ALDH16A1: variants seen among roughly 807,000 people sequenced by gnomAD.
ALDH16A1 encodes the protein aldehyde dehydrogenase family 16 member A1.
Under a neutral mutation model 96.1 loss-of-function variants are expected in ALDH16A1, and 88 were observed. The ratio of observed to expected loss-of-function variants is 0.92; its 90% CI spans 0.77 to 1.09. The LOEUF is 1.09. ALDH16A1 is among the 50% of genes least tolerant of loss of function. The pLI is 0.00. For synonymous variants in ALDH16A1, 522 were observed against 496.4 expected, an observed-to-expected ratio of 1.05 and a Z score of -0.69; for missense variants, 1,250 against 1,112.6, an observed-to-expected ratio of 1.12 and a Z score of -1.76.
chr19:49,467,066 G>A (rs2079205130), intron 14 of ALDH16A1, among the ~76,000 whole-genome samples: 1 of 152,174 alleles, frequency 6.6e-6, no homozygotes, highest in African/African-American at 2.4e-5. Flanking sequence ...GCACCCGGCT[G>A]GAGTGCAGTG....
intron 1 of ALDH16A1, among the ~76,000 whole-genome samples, chr19:49,456,700 C>CT (rs2079106445): frequency 6.6e-6 from 1 of 152,208 alleles, no homozygotes; most frequent in Admixed American, 6.5e-5. Context: ...AACAATCATT[C>CT]TTTAATGTCA....
Position 49,465,269 on chromosome 19 carries a change from C to T in ALDH16A1, c.1569-469C>T, listed in dbSNP as rs563808422. 4.8e-5 allele frequency among the ~76,000 whole-genome samples: 7 copies of T among 146,930 alleles called. No homozygotes were observed. In the East Asian group the frequency reaches 6.2e-4, roughly 13 times the overall value. ...ATGGGAGCAGAAGCTTTGGGTCCTC[C>T]GGGGCTCATGGGAACAGGAATTTGG... On this transcript the variant is annotated intron_variant, in intron 12 of 16. Transcript: ENST00000293350.
chr19:49,454,025 T>TTTTGTG lies in ALDH16A1; in HGVS notation c.90+607_90+608insGTGTTT, dbSNP rs1410425750. ...GGACTTCCGGTTTGGGTTGGGTTTT[T>TTTTGTG]TTTTTGTTTTTTTTTTTGAGCCAGG... On this transcript the variant is annotated intron_variant, in intron 1 of 16. Coordinates refer to ENST00000293350, the MANE Select transcript of ALDH16A1 (RefSeq NM_153329.4). 2.0e-3 allele frequency among the ~76,000 whole-genome samples: 106 copies of TTTTGTG among 54,284 alleles called. 3 individuals carry two copies. The highest frequency in any genetic ancestry group is 0.012 in the Middle Eastern group (1 of 84). 35.6% of individuals were successfully genotyped at this position (54,284 alleles called of 152,430 possible).
In ALDH16A1 at chr19:49,462,562, C is replaced by T; in HGVS notation, c.913-8C>T. 6.2e-7 allele frequency: 1 copy of T among 1,611,570 alleles called. No individual in the cohort carries two copies. Among genetic ancestry groups the T allele is most frequent in the Non-Finnish European group, 8.5e-7 (1 of 1,179,390 alleles). On this transcript the variant is annotated splice_polypyrimidine_tract_variant and splice_region_variant and intron_variant, in intron 7 of 16. Coordinates refer to ENST00000293350, the MANE Select transcript of ALDH16A1 (RefSeq NM_153329.4). ...GGTGTGATCTCCTGATGCCCCTTTT[C>T]CTCACAGGGTGGCCTCAGGCTCCTC...
rs1045288160 is a variant in ALDH16A1 at position 49,464,131 on chromosome 19, C to T, written c.1199C>T (p.Pro400Leu). ...PASPCAQVEV[P>L]WPVVVASPFR... ...CCTCCCGGTCACCCCTTGCAGGTGC[C>T]GTGGCCTGTGGTCGTGGCCTCCCCC... Residue 400 changes from proline to leucine, a missense_variant, in exon 10 of 17, where the codon CCG becomes CTG. Coordinates refer to ENST00000293350, the MANE Select transcript of ALDH16A1 (RefSeq NM_153329.4). 7.5e-6 allele frequency: 12 copies of T among 1,607,724 alleles called. No homozygotes were observed. Among genetic ancestry groups the T allele is most frequent in the Middle Eastern group, 1.7e-4 (1 of 5,942 alleles).
rs2079160822 is a variant in ALDH16A1 at position 49,462,682 on chromosome 19, T to C, written c.1025T>C (p.Met342Thr). The C allele has an allele frequency of 6.2e-7, 1 of 1,609,240 alleles. No homozygotes were observed. The highest frequency in any genetic ancestry group is 2.2e-5 in the East Asian group (1 of 44,780). ...SGRGLDGAVDMGARGAAACDL... is the reference protein window; with the variant it reads ...SGRGLDGAVDTGARGAAACDL... Reference sequence around the variant, plus strand: ...CGAGGGCTGGATGGGGCCGTGGACATGGGGGCCCGGGGGGCTGCCGCATGT... The same window carrying C: ...CGAGGGCTGGATGGGGCCGTGGACACGGGGGCCCGGGGGGCTGCCGCATGT... The change falls in exon 8 of 17, where the codon ATG becomes ACG. Residue 342 changes from methionine (M) to threonine (T), a missense_variant. Met to Thr is a moderately conservative substitution (Grantham distance 81, BLOSUM62 -1). Coordinates refer to ENST00000293350, the MANE Select transcript of ALDH16A1 (RefSeq NM_153329.4).
rs145782809 is a variant in ALDH16A1, at chr19:49,464,672, G to T, written c.1478G>T (p.Arg493Leu). ...EYLRPSGTPA[R>L]LSCLSKNLNY... ...CTGCGGCCCTCAGGGACCCCTGCCC[G>T]GCTGTCCTGCCTCTCCAAGAACCTG... The change falls in exon 12 of 17, where the codon CGG (arginine) becomes CTG (leucine). Residue 493 changes from arginine (R) to leucine (L), a missense_variant. Physicochemically the swap from Arg to Leu is moderately radical, Grantham distance 102 (BLOSUM62 -2). Coordinates refer to ENST00000293350, the MANE Select transcript of ALDH16A1 (RefSeq NM_153329.4). 1.6e-5 allele frequency: 26 copies of T among 1,614,018 alleles called. No homozygotes were observed. The African/African-American group carries it at 2.0e-4, about 12-fold the overall frequency.
At chr19:49,469,211 G>A (rs1289520529) in intron 16 of ALDH16A1, 1 of 504,358 alleles carries the variant, frequency 2.0e-6, no homozygotes. Context: ...CTCGTCTCAG[G>A]GGACAGCCCG....
chr19:49,457,602 A>C (rs2079112756), intron 1 of ALDH16A1, among the ~76,000 whole-genome samples: 1 of 149,806 alleles, frequency 6.7e-6, no homozygotes, highest in African/African-American at 2.5e-5. Context: ...GGTGAGTGAG[A>C]TGTGGTAAAA....
At chr19:49,467,095 G>A (rs1320533972) in intron 14 of ALDH16A1, among the ~76,000 whole-genome samples, 2 of 152,184 alleles carry the variant, frequency 1.3e-5, no homozygotes, top group Non-Finnish European at 1.5e-5. Flanking sequence ...ATGGCTCACT[G>A]CAGCCTCAAC....
Position 49,464,192 on chromosome 19 carries a change from C to T in ALDH16A1, c.1260C>T (p.Asn420=), listed in dbSNP as rs138475609. The change falls in exon 10 of 17, where the codon AAC becomes AAT. Residue 420 remains asparagine, a synonymous_variant. Transcript: ENST00000293350. Reference sequence around the variant, plus strand: ...CCAAGGAGGCACTGTTGGTGGCCAACGGGACGCCCCGCGGGGGCAGCGCCA... The same window carrying T: ...CCAAGGAGGCACTGTTGGTGGCCAATGGGACGCCCCGCGGGGGCAGCGCCA... The part of the protein sequence containing the change: ...RTAKEALLVA[N]GTPRGGSASV... 335 of 1,606,868 alleles carry T rather than the reference C, an allele frequency of 2.1e-4. 1 individual carries two copies. Among genetic ancestry groups the T allele is most frequent in the South Asian group, 2.4e-4 (22 of 90,882 alleles).
rs1172333251 is a variant in ALDH16A1 at position 49,464,229 on chromosome 19, G to A, written c.1297G>A (p.Glu433Lys). 13 of 1,604,598 alleles carry A rather than the reference G, an allele frequency of 8.1e-6. No homozygotes were observed. The highest frequency in any genetic ancestry group is 1.3e-5 in the African/African-American group (1 of 74,990). Residue 433 changes from glutamate (E) to lysine (K), a missense_variant, in exon 10 of 17, where the codon GAG becomes AAG. By Grantham distance (56) the Glu-to-Lys change is moderately conservative (BLOSUM62 1). Transcript: ENST00000293350. ...CGGGGGCAGCGCCAGTGTGTGGAGC[G>A]AGAGGCTGGGGCAGGCGCTGGAGCT... ...PRGGSASVWS[E>K]RLGQALELGY...
chr19:49,464,027 G>A, intron 9 of ALDH16A1, 78 bp downstream of exon 9: 1 of 1,577,502 alleles, frequency 6.3e-7, no homozygotes, highest in Non-Finnish European at 8.6e-7. Flanking sequence ...AAGCCCTTGG[G>A]GTAACCATGT....
rs1162205920 is a variant in ALDH16A1, at chr19:49,468,138, C to T, written c.1939-243C>T. 4.2e-5 allele frequency among the ~76,000 whole-genome samples: 6 copies of T among 141,924 alleles called. No individual in the cohort carries two copies. Among genetic ancestry groups the T allele is most frequent in the Admixed American group, 3.6e-4 (5 of 13,898 alleles). The allele number at this position is 141,924 out of a possible 152,430, so 93.1% of individuals were successfully genotyped here. A position where few individuals can be genotyped will look rare whatever the true frequency, so the allele number is the denominator to read the frequency against. On this transcript the variant is annotated intron_variant, in intron 14 of 16. Transcript: ENST00000293350. This position sits in a 1 kb window ranked among gnomAD's most constrained non-coding sequence, Gnocchi z 4.4. The stretch of plus-strand genomic sequence containing the variant: ...TCGCACCACTGCACTCTAGCCAGGG[C>T]GACAGAGTGAGAGTCCGTCTCAAAA...
chr19:49,463,030 C>G (rs1196812464), intron 8 of ALDH16A1, among the ~76,000 whole-genome samples: 1 of 98,636 alleles, frequency 1.0e-5, no homozygotes, highest in African/African-American at 6.0e-5. Context: ...GGCCTGGACT[C>G]CTGGGTCTGA....
rs1601021507 is a variant in ALDH16A1, at chr19:49,459,499, G to A, written c.321-171G>A. ...CCTTTACACAGCATCCTCAGGGTTT[G>A]TGTTTCCATGACTATAATTCTCATA... On this transcript the variant is annotated intron_variant, in intron 3 of 16. Coordinates refer to ENST00000293350, the MANE Select transcript of ALDH16A1 (RefSeq NM_153329.4). The surrounding 1 kb of genome is among the most constrained non-coding windows in gnomAD (Gnocchi z 4.1). 1.3e-5 allele frequency among the ~76,000 whole-genome samples: 2 copies of A among 152,338 alleles called. No homozygotes were observed.
chr19:49,465,634 C>T (rs2079191081), intron 12 of ALDH16A1, 104 bp from the exon 13 acceptor site: 4 of 1,391,776 alleles, frequency 2.9e-6, no homozygotes, highest in Non-Finnish European at 3.9e-6. Context: ...TTGGGGTGCC[C>T]CAGAGGCTCA....
chr19:49,459,241 A>G lies in ALDH16A1; in HGVS notation c.320+155A>G, dbSNP rs2079123572. On this transcript the variant is annotated intron_variant, in intron 3 of 16. Transcript: ENST00000293350. This position sits in a 1 kb window ranked among gnomAD's most constrained non-coding sequence, Gnocchi z 4.1. The stretch of plus-strand genomic sequence containing the variant: ...TGCTGGAGGCAGTCGTGGCTGAAAC[A>G]TGCATCCGTTGTCCACTATTCACTG... 6.6e-6 allele frequency among the ~76,000 whole-genome samples: 1 copy of G among 152,202 alleles called. No individual in the cohort carries two copies. The highest frequency in any genetic ancestry group is 6.5e-5 in the Admixed American group (1 of 15,282).
In ALDH16A1 at chr19:49,470,649, T is replaced by TTTTTC; in HGVS notation, c.*186_*187insCTTTT. 1.6e-5 allele frequency: 2 copies of TTTTTC among 123,958 alleles called. No homozygotes were observed. Among genetic ancestry groups the TTTTTC allele is most frequent in the Non-Finnish European group, 2.6e-5 (2 of 75,960 alleles). 7.7% of individuals were successfully genotyped at this position (123,958 alleles called of 1,614,324 possible). ...TTCTGGCAGATATGAGGCTTTTTTC[T>TTTTTC]TTTTTTTTTTTTTTTTTGAGACAAC... On this transcript the variant is annotated 3_prime_UTR_variant, in exon 17 of 17. Transcript: ENST00000293350.
Sources: allele counts gnomAD v4.1 joint callset (sites outside exome capture counted in the v4.1 genomes callset), GRCh38; gene constraint gnomAD v4.1.1; non-coding constraint Gnocchi (gnomAD v3.1); transcripts MANE v1.5; gene names NCBI Gene and HGNC (gene_info 2026-07-23, HGNC 2026-07-21).